CRYBA1: variants seen among roughly 807,000 people sequenced by gnomAD.
CRYBA1 encodes crystallin beta A1, also known as beta-crystallin A3.
A neutral mutation model predicts 36.2 loss-of-function variants in CRYBA1; 25 were observed. That is an observed-to-expected ratio of 0.69 (90% CI 0.50 to 0.97). The LOEUF is 0.97. Ranked by LOEUF, CRYBA1 falls within the 50% of genes least tolerant of loss-of-function variation. The pLI is 0.00. For missense variants in CRYBA1, 224 were observed against 276.3 expected, an observed-to-expected ratio of 0.81 and a Z score of 1.34; for synonymous variants, 111 against 90.0, an observed-to-expected ratio of 1.23 and a Z score of -1.32.
intron 1 of CRYBA1, 75 bp downstream of exon 1, chr17:29,246,969 T>A: frequency 2.7e-6 from 4 of 1,472,046 alleles, no homozygotes; most frequent in Non-Finnish European, 2.8e-6. Flanking sequence ...GAGGGCCCAG[T>A]TCTCCTGCCT....
intron 1 of CRYBA1, among the ~76,000 whole-genome samples, chr17:29,248,786 G>T (rs2068917334): frequency 6.6e-6 from 1 of 151,886 alleles, no homozygotes; most frequent in Non-Finnish European, 1.5e-5. Flanking sequence ...GGCCAACATG[G>T]TGAAACCCCC....
chr17:29,254,084 T>C, intron 5 of CRYBA1, 118 bp from the exon 6 acceptor site: 2 of 1,192,084 alleles, frequency 1.7e-6, no homozygotes, highest in South Asian at 2.6e-5. Context: ...AGGATGGCTA[T>C]TTTTTCTAAG....
At chr17:29,249,281 T>C (rs2286407) in intron 2 of CRYBA1, 75 bp downstream of exon 2, 1 of 1,047,780 alleles carries the variant, frequency 9.5e-7, no homozygotes, top group Non-Finnish European at 1.5e-6. Flanking sequence ...CCTGTGCTCG[T>C]CCATAAGGCA....
intron 3 of CRYBA1, among the ~76,000 whole-genome samples, chr17:29,250,805 A>G (rs562386888): frequency 6.6e-6 from 1 of 152,000 alleles, no homozygotes; most frequent in South Asian, 2.1e-4. Context: ...TTCATCTTTC[A>G]GGCAGTTTCT....
At position 29,252,191 on chromosome 17, in the gene CRYBA1, C is replaced by T. The variant is rs781387091; in HGVS notation, c.343C>T (p.Pro115Ser). The change falls in exon 4 of 6, where the codon CCC (proline) becomes TCC (serine). Residue 115 changes from proline (P) to serine (S), a missense_variant. Coordinates refer to ENST00000225387, the MANE Select transcript of CRYBA1 (RefSeq NM_005208.5). ...CATTGAGCGTCTCATGTCCTTCCGC[C>T]CCATCTGTTCAGCTGTGAGTCTCTG... is the stretch of plus-strand genomic sequence containing the variant. Reference protein sequence around the residue: ...YHIERLMSFRPICSANHKESK... With the variant: ...YHIERLMSFRSICSANHKESK... 6.2e-7 allele frequency: 1 copy of T among 1,614,098 alleles called. No homozygotes were observed. The highest frequency in any genetic ancestry group is 1.1e-5 in the South Asian group (1 of 91,070).
At chr17:29,252,695 G>C (rs1402654271) in intron 4 of CRYBA1, among the ~76,000 whole-genome samples, 1 of 152,170 alleles carries the variant, frequency 6.6e-6, no homozygotes, top group Non-Finnish European at 1.5e-5. Flanking sequence ...TAATGCATCA[G>C]GCTGGGATGT....
At position 29,254,293 on chromosome 17, in the gene CRYBA1, TG is replaced by T. The variant is rs773657011; in HGVS notation, c.596del (p.Gly199AlafsTer19). On this transcript the variant is annotated frameshift_variant, in exon 6 of 6. Coordinates refer to ENST00000225387, the MANE Select transcript of CRYBA1 (RefSeq NM_005208.5). LOFTEE classifies it high-confidence loss of function. ...HGGDYKHWRE[W>X]GSHAQTSQIQ... is the part of the protein sequence containing the mutation. ...AGGAGACTATAAACATTGGAGAGAG[TG>T]GGGCTCTCATGCCCAGACTTCGCAG... 1.9e-6 allele frequency: 3 copies of T among 1,613,868 alleles called. No homozygotes were observed. The East Asian group carries it at 6.7e-5, about 36-fold the overall frequency.
intron 3 of CRYBA1, among the ~76,000 whole-genome samples, chr17:29,251,222 T>C (rs8078815): frequency 0.11 from 16,959 of 152,236 alleles, 1,080 homozygotes; most frequent in East Asian, 0.3. Flanking sequence ...GCCAAAGCAA[T>C]AGTCCAGGGG....
chr17:29,252,433 A>T (rs1241352270), intron 4 of CRYBA1, among the ~76,000 whole-genome samples: 2 of 152,240 alleles, frequency 1.3e-5, no homozygotes, highest in Non-Finnish European at 2.9e-5. Context: ...AAGTGGCAAT[A>T]AGTGGATACT....
intron 5 of CRYBA1, 25 bp downstream of exon 5, chr17:29,253,807 T>G (rs1322393593): frequency 6.2e-7 from 1 of 1,613,912 alleles, no homozygotes; most frequent in Non-Finnish European, 8.5e-7. Context: ...AGGGTTGGAA[T>G]ATACTTCAAA....
At chr17:29,249,902 C>A (rs560610483) in intron 2 of CRYBA1, among the ~76,000 whole-genome samples, 1 of 152,338 alleles carries the variant, frequency 6.6e-6, no homozygotes, top group East Asian at 1.9e-4. Flanking sequence ...CCCATAAGTC[C>A]TTGGCCTGTC....
chr17:29,254,230 C>T lies in CRYBA1; in HGVS notation c.529C>T (p.Arg177Cys), dbSNP rs1255062174. 4 of 1,614,040 alleles carry T rather than the reference C, an allele frequency of 2.5e-6. No homozygotes were observed. The highest frequency in any genetic ancestry group is 3.4e-6 in the Non-Finnish European group (4 of 1,179,990). ...GGTTTGCTACCAATATCCTGGATAT[C>T]GTGGGTATCAGTATATCTTGGAATG... The part of the protein sequence containing the change: ...AWVCYQYPGY[R>C]GYQYILECDH... Residue 177 changes from arginine (R) to cysteine (C), a missense_variant, in exon 6 of 6, where the codon CGT becomes TGT. By Grantham distance (180) the Arg-to-Cys change is radical. Coordinates refer to ENST00000225387, the MANE Select transcript of CRYBA1 (RefSeq NM_005208.5).
At chr17:29,248,307 A>G (rs1334117311) in intron 1 of CRYBA1, among the ~76,000 whole-genome samples, 1 of 151,632 alleles carries the variant, frequency 6.6e-6, no homozygotes, top group East Asian at 1.9e-4. Context: ...CCTGAAAGCA[A>G]GTGAGAGGAC....
chr17:29,252,416 G>A (rs866933071), intron 4 of CRYBA1, among the ~76,000 whole-genome samples: 2 of 152,144 alleles, frequency 1.3e-5, no homozygotes, highest in Admixed American at 1.3e-4. Flanking sequence ...AAAACTAAGG[G>A]TCTTACAAGT....
At position 29,253,799 on chromosome 17, in the gene CRYBA1, G is replaced by C. The variant is rs761853246; in HGVS notation, c.500+17G>C. The C allele has an allele frequency of 1.2e-6, 2 of 1,613,992 alleles. No homozygotes were observed. The highest frequency in any genetic ancestry group is 1.7e-6 in the Non-Finnish European group (2 of 1,179,966). On this transcript the variant is annotated intron_variant, in intron 5 of 5. Transcript: ENST00000225387. Reference sequence around the variant, plus strand: ...AAGTGGGGCGTAAGTACAAAAACAGGGTTGGAATATACTTCAAAGTAACTC... The same window carrying C: ...AAGTGGGGCGTAAGTACAAAAACAGCGTTGGAATATACTTCAAAGTAACTC...
rs770560007 is a variant in CRYBA1 at position 29,253,681 on chromosome 17, C to T, written c.399C>T (p.Asn133=). 5 of 1,613,884 alleles carry T rather than the reference C, an allele frequency of 3.1e-6. No individual in the cohort carries two copies. In the African/African-American group the frequency reaches 5.3e-5, roughly 17 times the overall value. Residue 133 remains asparagine, a synonymous_variant, in exon 5 of 6, where the codon AAC becomes AAT. Coordinates refer to ENST00000225387, the MANE Select transcript of CRYBA1 (RefSeq NM_005208.5). The part of the protein sequence containing the change: ...ESKMTIFEKE[N]FIGRQWEISD... ...AGATGACCATCTTTGAGAAGGAAAA[C>T]TTTATTGGACGCCAGTGGGAGATCT...
At chr17:29,254,059 G>T in intron 5 of CRYBA1, 143 bp from the exon 6 acceptor site, 1 of 929,898 alleles carries the variant, frequency 1.1e-6, no homozygotes, top group Non-Finnish European at 1.7e-6. Context: ...CTTACAAATA[G>T]TGCCTGACAC....
chr17:29,250,814 CTTG>C (rs1323759597), intron 3 of CRYBA1, among the ~76,000 whole-genome samples: 1 of 152,068 alleles, frequency 6.6e-6, no homozygotes, highest in African/African-American at 2.4e-5. Context: ...CAGGCAGTTT[CTTG>C]TTGATGGTTA....
At chr17:29,252,785 T>C (rs2068943988) in intron 4 of CRYBA1, among the ~76,000 whole-genome samples, 1 of 152,064 alleles carries the variant, frequency 6.6e-6, no homozygotes, top group Admixed American at 6.6e-5. Context: ...GTATTAGGAG[T>C]TAGGTTGGGC....
Sources: allele counts gnomAD v4.1 joint callset (sites outside exome capture counted in the v4.1 genomes callset), GRCh38; gene constraint gnomAD v4.1.1; transcripts MANE v1.5; gene names NCBI Gene and HGNC (gene_info 2026-07-23, HGNC 2026-07-21).